The following ADGRL1 variants were observed in gnomAD, a reference collection of about 807,000 sequenced individuals.
The protein encoded by ADGRL1 is CIRL-1.
In ADGRL1, 31 loss-of-function variants were observed where a neutral mutation model predicts 148.9. That is an observed-to-expected ratio of 0.21 (90% CI 0.16 to 0.28). ADGRL1 has a LOEUF of 0.28. ADGRL1 is among the 10% of genes least tolerant of loss of function. The probability of loss-of-function intolerance (pLI) is 1.00; values close to 1 mark genes in which losing one functional copy is unlikely to be tolerated. For missense variants in ADGRL1, 1,521 were observed against 2,058.8 expected, an observed-to-expected ratio of 0.74 and a Z score of 5.05; for synonymous variants, 937 against 900.3, an observed-to-expected ratio of 1.04 and a Z score of -0.73.
chr19:14,156,649 C>G lies in ADGRL1; in HGVS notation c.3033+9G>C. ...GATGTGGTGCTAGGGGTGTCACCTC[C>G]CAACTCACCACGATAACGAAGGAGA... On this transcript the variant is annotated intron_variant, in intron 16 of 22. Coordinates refer to ENST00000361434, the MANE Select transcript of ADGRL1 (RefSeq NM_014921.5). 1.2e-6 allele frequency: 2 copies of G among 1,609,708 alleles called. No homozygotes were observed. The highest frequency in any genetic ancestry group is 1.7e-6 in the Non-Finnish European group (2 of 1,178,640).
In ADGRL1 at chr19:14,157,000, C is replaced by A. The variant is rs533037626; in HGVS notation, c.2891G>T (p.Gly964Val). 5.6e-6 allele frequency: 9 copies of A among 1,613,936 alleles called. No homozygotes were observed. In the African/African-American group the frequency reaches 1.2e-4, roughly 22 times the overall value. The change falls in exon 15 of 23, where the codon GGT becomes GTT. Residue 964 changes from glycine (G) to valine (V), a missense_variant. Coordinates refer to ENST00000361434, the MANE Select transcript of ADGRL1 (RefSeq NM_014921.5). Reference sequence around the variant, plus strand: ...CACCAGGGCCGGGAAGCAGTAGCCACCCAGGTAGTAGTACTTGGTGCGGGA... The same window carrying A: ...CACCAGGGCCGGGAAGCAGTAGCCAACCAGGTAGTAGTACTTGGTGCGGGA... ...EYSRTKYYYL[G>V]GYCFPALVVG...
intron 1 of ADGRL1, among the ~76,000 whole-genome samples, chr19:14,194,642 G>A (rs188443206): frequency 6.6e-6 from 1 of 152,340 alleles, no homozygotes; most frequent in Admixed American, 6.5e-5. Context: ...AACCCAGGGA[G>A]GGCTGGCTCC....
Position 14,152,104 on chromosome 19 carries a change from A to T in ADGRL1, c.3667+29T>A. ...CTGTCTGTCCCTCTCCCAGCCTCAG[A>T]AACATCCCCAGGGAAGAGTCACACT... On this transcript the variant is annotated intron_variant, in intron 22 of 22. Coordinates refer to ENST00000361434, the MANE Select transcript of ADGRL1 (RefSeq NM_014921.5). The surrounding 1 kb of genome is among the most constrained non-coding windows in gnomAD (Gnocchi z 6.1). 1 of 1,606,120 alleles carries T rather than the reference A, an allele frequency of 6.2e-7. No individual in the cohort carries two copies. Among genetic ancestry groups the T allele is most frequent in the Non-Finnish European group, 8.5e-7 (1 of 1,172,668 alleles).
chr19:14,162,657 A>G lies in ADGRL1; in HGVS notation c.1144T>C (p.Tyr382His). ...TCCAGGCTGTAGCGCACCACGAAAT[A>G]GTTGTTCCAGACGTACAGCTGGTTG... Reference protein sequence around the residue: ...RDNQLYVWNNYFVVRYSLEFG... With the variant: ...RDNQLYVWNNHFVVRYSLEFG... The change falls in exon 5 of 23, where the codon TAT (tyrosine) becomes CAT (histidine). Residue 382 changes from tyrosine to histidine, a missense_variant. Physicochemically the swap from Tyr to His is moderately conservative, Grantham distance 83. Coordinates refer to ENST00000361434, the MANE Select transcript of ADGRL1 (RefSeq NM_014921.5). This position sits in a 1 kb window ranked among gnomAD's most constrained non-coding sequence, Gnocchi z 5.4. 3 of 1,613,646 alleles carry G rather than the reference A, an allele frequency of 1.9e-6. No homozygotes were observed. The highest frequency in any genetic ancestry group is 2.5e-6 in the Non-Finnish European group (3 of 1,179,690).
intron 4 of ADGRL1, among the ~76,000 whole-genome samples, chr19:14,167,648 C>T (rs976122608): frequency 1.3e-5 from 2 of 152,104 alleles, no homozygotes; most frequent in African/African-American, 4.8e-5. Flanking sequence ...GCCCTCACAA[C>T]CCAGAAGAAG....
At chr19:14,174,452 C>T (rs1475372925) in intron 3 of ADGRL1, among the ~76,000 whole-genome samples, 1 of 152,038 alleles carries the variant, frequency 6.6e-6, no homozygotes, top group East Asian at 1.9e-4. Flanking sequence ...CTATCTCAGC[C>T]ACCTGAACAC....
intron 1 of ADGRL1, among the ~76,000 whole-genome samples, chr19:14,191,689 T>C (rs562377255): frequency 1.3e-5 from 2 of 148,412 alleles, no homozygotes; most frequent in African/African-American, 4.9e-5. Context: ...ATCCCTGCTG[T>C]CTCTCTCTTT....
At chr19:14,173,511 G>A (rs1309892746) in intron 3 of ADGRL1, among the ~76,000 whole-genome samples, 3 of 152,158 alleles carry the variant, frequency 2.0e-5, no homozygotes, top group Admixed American at 1.3e-4. Flanking sequence ...TTCTTGGAGC[G>A]TTTCCCCAGT....
At chr19:14,156,568 G>A in intron 16 of ADGRL1, 90 bp downstream of exon 16, 2 of 825,198 alleles carry the variant, frequency 2.4e-6, no homozygotes, top group Non-Finnish European at 3.8e-6. Flanking sequence ...TGTGTGTGTG[G>A]GGGGGGTGGG....
At chr19:14,175,529 C>T in intron 3 of ADGRL1, among the ~76,000 whole-genome samples, 1 of 151,876 alleles carries the variant, frequency 6.6e-6, no homozygotes, top group African/African-American at 2.4e-5. Context: ...CTCATATAAC[C>T]ACATATTCAC....
intron 2 of ADGRL1, among the ~76,000 whole-genome samples, chr19:14,182,268 G>A (rs929832942): frequency 4.6e-5 from 7 of 152,224 alleles, no homozygotes; most frequent in East Asian, 3.8e-4. Context: ...TTATTAAGGC[G>A]GTTTGTCTGC....
chr19:14,162,643 G>A lies in ADGRL1; in HGVS notation c.1158C>T (p.Arg386=). Residue 386 remains arginine, a synonymous_variant, in exon 5 of 23, where the codon CGC becomes CGT. Transcript: ENST00000361434. This position sits in a 1 kb window ranked among gnomAD's most constrained non-coding sequence, Gnocchi z 5.4. ...CGGGCGGCCCGAACTCCAGGCTGTA[G>A]CGCACCACGAAATAGTTGTTCCAGA... is the stretch of plus-strand genomic sequence containing the variant. The part of the protein sequence containing the change: ...LYVWNNYFVV[R]YSLEFGPPDP... 3 of 1,612,990 alleles carry A rather than the reference G, an allele frequency of 1.9e-6. No homozygotes were observed. The highest frequency in any genetic ancestry group is 2.5e-6 in the Non-Finnish European group (3 of 1,179,168).
intron 1 of ADGRL1, among the ~76,000 whole-genome samples, chr19:14,193,101 C>T (rs2145118995): frequency 6.6e-6 from 1 of 152,024 alleles, no homozygotes; most frequent in East Asian, 1.9e-4. Flanking sequence ...CAGAGTTCCC[C>T]AGGAGCACGA....
chr19:14,157,224 G>A lies in ADGRL1; in HGVS notation c.2745+27C>T, dbSNP rs375974298. 1.0e-4 allele frequency: 161 copies of A among 1,613,650 alleles called. No individual in the cohort carries two copies. Among genetic ancestry groups the A allele is most frequent in the South Asian group, 6.3e-4 (57 of 91,084 alleles). On this transcript the variant is annotated intron_variant, in intron 14 of 22. Coordinates refer to ENST00000361434, the MANE Select transcript of ADGRL1 (RefSeq NM_014921.5). This position sits in a 1 kb window ranked among gnomAD's most constrained non-coding sequence, Gnocchi z 7.5. ...TTCTCCCGGCCCCCAGGCGCTGGCC[G>A]TCACCTGCCCTAGAGTCCCAGCCCA...
At chr19:14,167,355 G>A (rs944763007) in intron 4 of ADGRL1, among the ~76,000 whole-genome samples, 4 of 151,648 alleles carry the variant, frequency 2.6e-5, no homozygotes, top group African/African-American at 7.3e-5. Context: ...GGCAGACAGA[G>A]CCCTCAGGTG....
chr19:14,170,444 G>T, intron 4 of ADGRL1: 1 of 453,260 alleles, frequency 2.2e-6, no homozygotes, highest in Non-Finnish European at 4.0e-6. Context: ...GGGGTAAGGA[G>T]AGCTGGAGAA....
chr19:14,204,696 G>A (rs1279633882), intron 1 of ADGRL1, among the ~76,000 whole-genome samples: 1 of 142,088 alleles, frequency 7.0e-6, no homozygotes, highest in Non-Finnish European at 1.5e-5. Flanking sequence ...GAGAGAGATA[G>A]AGAAAGACAG....
At position 14,151,231 on chromosome 19, in the gene ADGRL1, C is replaced by T. The variant is rs772385652; in HGVS notation, c.4052G>A (p.Ser1351Asn). The T allele has an allele frequency of 6.2e-7, 1 of 1,612,078 alleles. No homozygotes were observed. The highest frequency in any genetic ancestry group is 1.1e-5 in the South Asian group (1 of 91,072). ...LPRAQSVLYQSDLDESESCTA... is the reference protein window; with the variant it reads ...LPRAQSVLYQNDLDESESCTA... ...GCAGCTCTCCGACTCGTCCAGATCG[C>T]TCTGGTACAGCACCGACTGGGCCCG... The change falls in exon 23 of 23, where the codon AGC (serine) becomes AAC (asparagine). Residue 1351 changes from serine (S) to asparagine (N), a missense_variant. Physicochemically the swap from Ser to Asn is conservative, Grantham distance 46 (BLOSUM62 1). Around this residue, in one of 8 missense-constraint regions of ADGRL1, gnomAD observed 390 missense variants for 375.0 expected, o/e 1.04. Coordinates refer to ENST00000361434, the MANE Select transcript of ADGRL1 (RefSeq NM_014921.5).
At chr19:14,168,845 C>T (rs1443588731) in intron 4 of ADGRL1, 2 of 152,278 alleles carry the variant, frequency 1.3e-5, no homozygotes, top group Non-Finnish European at 2.9e-5. Flanking sequence ...AAGTGTCCAG[C>T]ACTCACGAGG....
Sources: gnomAD v4.1 joint callset for allele counts (sites outside exome capture counted in the v4.1 genomes callset) on GRCh38, gnomAD v4.1.1 for gene constraint, gnomAD v4.1.1 regional missense constraint, Gnocchi (gnomAD v3.1) non-coding constraint, MANE v1.5 for transcripts, NCBI Gene and HGNC (gene_info 2026-07-23, HGNC 2026-07-21) for gene names.